GTPBP3: variants seen among roughly 807,000 people sequenced by gnomAD.
GTPBP3 encodes 5-taurinomethyluridine-[tRNA] synthase subunit GTPB3, mitochondrial.
Under a neutral mutation model 42.0 loss-of-function variants are expected in GTPBP3, and 35 were observed. That is an observed-to-expected ratio of 0.83 (90% CI 0.64 to 1.10). The LOEUF is 1.10. Among genes scored for constraint, GTPBP3 ranks in the 50% least tolerant of loss-of-function variants. The pLI, the probability that GTPBP3 is intolerant of heterozygous loss-of-function variation, is 0.00. For missense variants in GTPBP3, 691 were observed against 685.2 expected (o/e 1.01, Z -0.09); for synonymous variants, 332 against 314.9 (o/e 1.05, Z -0.58).
chr19:17,339,192 G>T lies in GTPBP3; in HGVS notation c.734G>T (p.Arg245Met). The change falls in exon 6 of 9, where the codon AGG (arginine) becomes ATG (methionine). Residue 245 changes from arginine (R) to methionine (M), a missense_variant. Coordinates refer to ENST00000324894, the MANE Select transcript of GTPBP3 (RefSeq NM_032620.4). ...AHLRDARRGQ[R>M]LRSGVHVVVT... ...CTACGAGATGCCAGGCGCGGGCAGA[G>T]GCTCCGCTCAGGGGTGCACGTAGTG... The T allele has an allele frequency of 6.2e-7, 1 of 1,613,706 alleles. No individual in the cohort carries two copies. Among genetic ancestry groups the T allele is most frequent in the Non-Finnish European group, 8.5e-7 (1 of 1,180,010 alleles).
At chr19:17,339,745 T>C in intron 7 of GTPBP3, 146 bp downstream of exon 7, 6 of 806,716 alleles carry the variant, frequency 7.4e-6, no homozygotes, top group Non-Finnish European at 9.1e-6. Flanking sequence ...GTTCTTTTTT[T>C]TTTTTTTTTT....
At chr19:17,337,777 TC>T (rs2074380745) in intron 1 of GTPBP3, 113 bp downstream of exon 1, 1 of 1,320,508 alleles carries the variant, frequency 7.6e-7, no homozygotes, top group Admixed American at 3.1e-5. Flanking sequence ...TTCGCGTTCT[TC>T]CGTGCCTCAA....
chr19:17,337,907 C>T (rs768190085), intron 1 of GTPBP3, 101 bp from the exon 2 acceptor site: 4 of 1,439,542 alleles, frequency 2.8e-6, no homozygotes, highest in Non-Finnish European at 3.8e-6. Flanking sequence ...AGCCGCAGAA[C>T]CCCCCCACCT....
intron 1 of GTPBP3, 80 bp downstream of exon 1, chr19:17,337,744 A>C: frequency 7.2e-7 from 1 of 1,387,764 alleles, no homozygotes; most frequent in South Asian, 1.6e-5. Context: ...TTAGGGGCCC[A>C]ATTCCCTGCG....
chr19:17,337,432 T>C (rs952138311), upstream of GTPBP3: 1 of 1,211,364 alleles, frequency 8.3e-7, no homozygotes. Context: ...CGCTCTCCCT[T>C]GCACCAGCCA....
At chr19:17,335,198 C>A (rs1220454327), upstream of GTPBP3, 6 of 1,522,266 alleles carry the variant, frequency 3.9e-6, no homozygotes, top group Admixed American at 1.2e-4. Context: ...CTTCAACCAC[C>A]CCAGTAGGGC....
Position 17,339,225 on chromosome 19 carries a change from G to T in GTPBP3, c.767G>T (p.Gly256Val), listed in dbSNP as rs1330134695. 6.2e-7 allele frequency: 1 copy of T among 1,611,980 alleles called. No individual in the cohort carries two copies. The highest frequency in any genetic ancestry group is 2.2e-5 in the East Asian group (1 of 44,886). ...LRSGVHVVVT[G>V]PPNAGKSSLV... Reference sequence around the variant, plus strand: ...TCAGGGGTGCACGTAGTGGTCACTGGACCCCCCAATGCGGGCAAGAGCAGC... The same window carrying T: ...TCAGGGGTGCACGTAGTGGTCACTGTACCCCCCAATGCGGGCAAGAGCAGC... The change falls in exon 6 of 9, where the codon GGA becomes GTA. Residue 256 changes from glycine to valine, a missense_variant. Physicochemically the swap from Gly to Val is moderately radical, Grantham distance 109. Transcript: ENST00000324894.
At chr19:17,338,798 C>T in intron 4 of GTPBP3, 57 bp downstream of exon 4, 1 of 1,550,228 alleles carries the variant, frequency 6.5e-7, no homozygotes, top group Non-Finnish European at 8.8e-7. Context: ...GCAACCCCTG[C>T]ATGAGACCCC....
At chr19:17,338,771 T>C in intron 4 of GTPBP3, 30 bp downstream of exon 4, 2 of 1,585,928 alleles carry the variant, frequency 1.3e-6, no homozygotes, top group Non-Finnish European at 1.7e-6. Flanking sequence ...ATTCTCTCCC[T>C]CAGAGACCCC....
chr19:17,339,252 T>C lies in GTPBP3; in HGVS notation c.794T>C (p.Leu265Pro), dbSNP rs771657097. ...CCCCCCAATGCGGGCAAGAGCAGCCTAGTGAACCTGCTCAGTGAGTAGGCG... is the reference window on the plus strand; with the variant it reads ...CCCCCCAATGCGGGCAAGAGCAGCCCAGTGAACCTGCTCAGTGAGTAGGCG... ...TGPPNAGKSS[L>P]VNLLSRKPVS... Residue 265 changes from leucine to proline, a missense_variant, in exon 6 of 9, where the codon CTA (leucine) becomes CCA (proline). Physicochemically the swap from Leu to Pro is moderately conservative, Grantham distance 98 (BLOSUM62 -3). Coordinates refer to ENST00000324894, the MANE Select transcript of GTPBP3 (RefSeq NM_032620.4). 2.5e-6 allele frequency: 4 copies of C among 1,606,800 alleles called. No individual in the cohort carries two copies. The highest frequency in any genetic ancestry group is 1.1e-5 in the South Asian group (1 of 90,814).
Position 17,339,171 on chromosome 19 carries a change from G to T in GTPBP3, c.713G>T (p.Arg238Leu), listed in dbSNP as rs767331683. The change falls in exon 6 of 9, where the codon CGA becomes CTA. Residue 238 changes from arginine (R) to leucine (L), a missense_variant. By Grantham distance (102) the Arg-to-Leu change is moderately radical. Coordinates refer to ENST00000324894, the MANE Select transcript of GTPBP3 (RefSeq NM_032620.4). ...ALQVALGAHL[R>L]DARRGQRLRS... ...CAGGTGGCCCTGGGTGCACATCTAC[G>T]AGATGCCAGGCGCGGGCAGAGGCTC... 18 of 1,613,730 alleles carry T rather than the reference G, an allele frequency of 1.1e-5. No homozygotes were observed. In the South Asian group the frequency reaches 1.9e-4, roughly 17 times the overall value.
In GTPBP3 at chr19:17,339,235, T is replaced by C; in HGVS notation, c.777T>C (p.Asn259=). Residue 259 remains asparagine (N), a synonymous_variant, in exon 6 of 9, where the codon AAT becomes AAC. Coordinates refer to ENST00000324894, the MANE Select transcript of GTPBP3 (RefSeq NM_032620.4). The part of the protein sequence containing the change: ...GVHVVVTGPP[N]AGKSSLVNLL... The stretch of plus-strand genomic sequence containing the variant: ...ACGTAGTGGTCACTGGACCCCCCAA[T>C]GCGGGCAAGAGCAGCCTAGTGAACC... 6.2e-7 allele frequency: 1 copy of C among 1,610,028 alleles called. No homozygotes were observed. The highest frequency in any genetic ancestry group is 8.5e-7 in the Non-Finnish European group (1 of 1,179,334).
chr19:17,337,898 G>C, intron 1 of GTPBP3, 110 bp from the exon 2 acceptor site: 1 of 1,428,278 alleles, frequency 7.0e-7, no homozygotes, highest in Non-Finnish European at 9.4e-7. Context: ...GCATCCCCCA[G>C]CCGCAGAACC....
rs149578279 is a variant in GTPBP3, at chr19:17,341,244, C to T, written c.1175C>T (p.Pro392Leu). 6.2e-7 allele frequency: 1 copy of T among 1,606,936 alleles called. No homozygotes were observed. Among genetic ancestry groups the T allele is most frequent in the Non-Finnish European group, 8.5e-7 (1 of 1,179,968 alleles). ...EGPGPGPDLP[P>L]HLLLSCLTGE... ...CCAGGTCCCGGTCCTGACCTGCCCCCGCACCTGCTGCTGTCCTGTCTGACG... is the reference window on the plus strand; with the variant it reads ...CCAGGTCCCGGTCCTGACCTGCCCCTGCACCTGCTGCTGTCCTGTCTGACG... The change falls in exon 8 of 9, where the codon CCG becomes CTG. Residue 392 changes from proline (P) to leucine (L), a missense_variant. Transcript: ENST00000324894.
At chr19:17,337,544 C>T, upstream of GTPBP3, 1 of 1,292,008 alleles carries the variant, frequency 7.7e-7, no homozygotes, top group Admixed American at 3.9e-5. Context: ...GCGGAGTGGG[C>T]GGGGCCCCCT....
intron 7 of GTPBP3, 118 bp downstream of exon 7, chr19:17,339,717 A>C: frequency 2.1e-6 from 2 of 950,642 alleles, no homozygotes; most frequent in African/African-American, 1.7e-5. Flanking sequence ...CCTATCAAGC[A>C]TGGATCTCAG....
rs763045745 is a variant in GTPBP3 at position 17,341,591 on chromosome 19, T to C, written c.1367T>C (p.Leu456Pro). The C allele has an allele frequency of 1.2e-6, 2 of 1,613,894 alleles. No individual in the cohort carries two copies. The highest frequency in any genetic ancestry group is 1.7e-6 in the Non-Finnish European group (2 of 1,179,958). ...GHYKQSKDLA[L>P]AAEALRVARG... ...TACAAGCAGTCAAAAGACCTGGCCC[T>C]GGCGGCAGAGGCGCTGCGGGTGGCC... Residue 456 changes from leucine (L) to proline (P), a missense_variant, in exon 9 of 9, where the codon CTG becomes CCG. Transcript: ENST00000324894.
intron 1 of GTPBP3, 72 bp from the exon 2 acceptor site, chr19:17,337,936 C>T: frequency 6.4e-7 from 1 of 1,551,832 alleles, no homozygotes; most frequent in Non-Finnish European, 8.7e-7. Context: ...TCGCGATCAT[C>T]GAGCCCTCGG....
chr19:17,338,299 C>T (rs2074388227), intron 2 of GTPBP3, 44 bp downstream of exon 2: 3 of 1,605,266 alleles, frequency 1.9e-6, no homozygotes, highest in East Asian at 2.2e-5. Flanking sequence ...TCCCATGACT[C>T]AGTTTCCCCC....
Sources: allele counts gnomAD v4.1 joint callset, GRCh38; gene constraint gnomAD v4.1.1; transcripts MANE v1.5; gene names NCBI Gene and HGNC (gene_info 2026-07-23, HGNC 2026-07-21).